The following SLC12A1 variants were observed in gnomAD, a reference collection of about 807,000 sequenced individuals.
SLC12A1 encodes the protein Na-K-2Cl cotransporter.
A neutral mutation model predicts 130.4 loss-of-function variants in SLC12A1; 89 were observed. The ratio of observed to expected loss-of-function variants is 0.68; its 90% CI spans 0.58 to 0.81. The LOEUF (loss-of-function observed/expected upper bound fraction) is 0.81. SLC12A1 is among the 40% of genes least tolerant of loss of function. The pLI is 0.00. For missense variants in SLC12A1, 1,310 were observed against 1,336.4 expected, an observed-to-expected ratio of 0.98 and a Z score of 0.31; for synonymous variants, 499 against 460.0, an observed-to-expected ratio of 1.08 and a Z score of -1.09.
intron 24 of SLC12A1, among the ~76,000 whole-genome samples, chr15:48,292,686 C>T (rs60820695): frequency 0.22 from 32,874 of 151,932 alleles, 4,409 homozygotes; most frequent in East Asian, 0.41. Flanking sequence ...TGTAGATGGC[C>T]GCCTCCTTGC....
chr15:48,251,243 C>T (rs1215833020), intron 14 of SLC12A1, among the ~76,000 whole-genome samples: 1 of 151,712 alleles, frequency 6.6e-6, no homozygotes. Context: ...GAAGTTTCTC[C>T]TCCCCACCTG....
chr15:48,290,055 A>G (rs995783456), intron 23 of SLC12A1, among the ~76,000 whole-genome samples: 18 of 152,222 alleles, frequency 1.2e-4, no homozygotes, highest in African/African-American at 4.3e-4. Context: ...TGAGCTTAAA[A>G]CGTATTGTAC....
chr15:48,237,973 G>C (rs1478408783), intron 9 of SLC12A1, among the ~76,000 whole-genome samples: 1 of 152,196 alleles, frequency 6.6e-6, no homozygotes, highest in Non-Finnish European at 1.5e-5. Context: ...AGGCCATGCA[G>C]AGGAGAAGAA....
chr15:48,269,913 A>T, intron 19 of SLC12A1, 149 bp downstream of exon 19: 1 of 463,770 alleles, frequency 2.2e-6, no homozygotes, highest in Non-Finnish European at 3.9e-6. Context: ...TTCCAAGGTG[A>T]AAAAAACACC....
intron 17 of SLC12A1, among the ~76,000 whole-genome samples, chr15:48,260,981 T>G (rs1029356376): frequency 9.2e-5 from 14 of 152,218 alleles, no homozygotes; most frequent in African/African-American, 3.1e-4. Flanking sequence ...GAGAGACTCC[T>G]ACTGAGTACT....
chr15:48,252,225 G>C (rs766155868), intron 15 of SLC12A1, among the ~76,000 whole-genome samples: 1 of 149,440 alleles, frequency 6.7e-6, no homozygotes, highest in Non-Finnish European at 1.5e-5. Flanking sequence ...ATAAGAATAA[G>C]AATAACAATA....
At chr15:48,293,243 T>C (rs1379761192) in intron 24 of SLC12A1, among the ~76,000 whole-genome samples, 3 of 152,224 alleles carry the variant, frequency 2.0e-5, no homozygotes, top group African/African-American at 7.2e-5. Flanking sequence ...AGGTTAGATC[T>C]TCACAGTAGT....
intron 4 of SLC12A1, 39 bp downstream of exon 4, chr15:48,221,035 A>C: frequency 1.3e-6 from 2 of 1,569,348 alleles, no homozygotes; most frequent in Non-Finnish European, 1.8e-6. Flanking sequence ...TTGCATGTAA[A>C]TCATAAATTC....
Position 48,251,769 on chromosome 15 carries a change from A to G in SLC12A1, c.1941A>G (p.Pro647=). ...ACGTCTATGTGACTTGTAAGAAGCC[A>G]GGTAAGATAATGACTGTCTGGAATA... ...FLYVYVTCKK[P]DVNWGSSTQA... is the part of the protein sequence containing the mutation. Residue 647 remains proline, a splice_region_variant and synonymous_variant, in exon 15 of 27, where the codon CCA becomes CCG. Coordinates refer to ENST00000380993, the MANE Select transcript of SLC12A1 (RefSeq NM_000338.3). 6.2e-7 allele frequency: 1 copy of G among 1,613,680 alleles called. No homozygotes were observed.
chr15:48,231,408 A>T (rs2041375844), intron 7 of SLC12A1, among the ~76,000 whole-genome samples: 1 of 152,218 alleles, frequency 6.6e-6, no homozygotes, highest in Non-Finnish European at 1.5e-5. Context: ...GTGATGAAAA[A>T]ACACAGAACC....
At chr15:48,216,537 G>A (rs1476006607) in intron 2 of SLC12A1, among the ~76,000 whole-genome samples, 1 of 152,160 alleles carries the variant, frequency 6.6e-6, no homozygotes, top group Non-Finnish European at 1.5e-5. Context: ...TTTAAAAAAG[G>A]CAAGCAACTA....
Position 48,255,794 on chromosome 15 carries a change from T to C in SLC12A1, c.1943-17T>C. Reference sequence around the variant, plus strand: ...AAGGTCAGTGTTTTTTATGCCAATTTCCTCCTTTATCCACAGATGTGAACT... The same window carrying C: ...AAGGTCAGTGTTTTTTATGCCAATTCCCTCCTTTATCCACAGATGTGAACT... On this transcript the variant is annotated splice_polypyrimidine_tract_variant and intron_variant, in intron 15 of 26. Coordinates refer to ENST00000380993, the MANE Select transcript of SLC12A1 (RefSeq NM_000338.3). 3 of 1,527,554 alleles carry C rather than the reference T, an allele frequency of 2.0e-6. No individual in the cohort carries two copies. Among genetic ancestry groups the C allele is most frequent in the South Asian group, 1.2e-5 (1 of 84,662 alleles). 94.6% of individuals were successfully genotyped at this position (1,527,554 alleles called of 1,614,324 possible).
intron 20 of SLC12A1, among the ~76,000 whole-genome samples, chr15:48,280,396 T>C (rs368704152): frequency 2.7e-4 from 41 of 152,306 alleles, no homozygotes; most frequent in East Asian, 1.7e-3. Flanking sequence ...GATGACAAAA[T>C]TGATTAGAAA....
intron 26 of SLC12A1, among the ~76,000 whole-genome samples, chr15:48,302,425 C>T (rs1304242923): frequency 6.6e-6 from 1 of 150,836 alleles, no homozygotes; most frequent in East Asian, 2.0e-4. Flanking sequence ...TCGAGACCAT[C>T]CTGGCTAACA....
chr15:48,215,583 G>A (rs772694769), intron 2 of SLC12A1, among the ~76,000 whole-genome samples: 2 of 152,134 alleles, frequency 1.3e-5, no homozygotes, highest in African/African-American at 4.8e-5. Flanking sequence ...TCAAGAACAT[G>A]AACCAGCTGG....
intron 13 of SLC12A1, 22 bp from the exon 14 acceptor site, chr15:48,249,552 GT>G (rs1189238170): frequency 6.3e-7 from 1 of 1,584,612 alleles, no homozygotes; most frequent in Non-Finnish European, 8.7e-7. Flanking sequence ...ATACGTACAT[GT>G]TCAATTCTGT....
chr15:48,264,307 A>G (rs1397411830), intron 17 of SLC12A1, among the ~76,000 whole-genome samples: 2 of 152,110 alleles, frequency 1.3e-5, no homozygotes, highest in African/African-American at 4.8e-5. Context: ...ATATCTTAAG[A>G]AAACCTAAGG....
Position 48,249,730 on chromosome 15 carries a change from A to G in SLC12A1, c.1786+54A>G, listed in dbSNP as rs2041625931. Reference sequence around the variant, plus strand: ...CTAAGCAAACAGTTAGTTTGTCTCAATAAAACGAAATAAATCAGTGAAAAG... The same window carrying G: ...CTAAGCAAACAGTTAGTTTGTCTCAGTAAAACGAAATAAATCAGTGAAAAG... On this transcript the variant is annotated intron_variant, in intron 14 of 26. Transcript: ENST00000380993. The G allele has an allele frequency of 9.0e-6, 11 of 1,222,300 alleles. No individual in the cohort carries two copies. In the South Asian group the frequency reaches 1.2e-4, roughly 13 times the overall value. The allele number at this position is 1,222,300 out of a possible 1,614,324, so 75.7% of individuals were successfully genotyped here. A position where few individuals can be genotyped will look rare whatever the true frequency, so the allele number is the denominator to read the frequency against.
chr15:48,239,235 G>A (rs1283812542), intron 9 of SLC12A1, among the ~76,000 whole-genome samples: 1 of 152,064 alleles, frequency 6.6e-6, no homozygotes, highest in Non-Finnish European at 1.5e-5. Context: ...ATCATGGCTG[G>A]GCATGGTGGC....
Sources: allele counts gnomAD v4.1 joint callset (sites outside exome capture counted in the v4.1 genomes callset), GRCh38; gene constraint gnomAD v4.1.1; transcripts MANE v1.5; gene names NCBI Gene and HGNC (gene_info 2026-07-23, HGNC 2026-07-21).